PKP2: variants seen among roughly 807,000 people sequenced by gnomAD.
PKP2 encodes the protein plakophilin-2.
Under a neutral mutation model 83.4 loss-of-function variants are expected in PKP2, and 73 were observed. The ratio of observed to expected loss-of-function variants is 0.88; its 90% confidence interval spans 0.72 to 1.06. PKP2 has a LOEUF of 1.06. PKP2 is among the 50% of genes least tolerant of loss of function. The pLI, the probability that PKP2 is intolerant of heterozygous loss-of-function variation, is 0.00. For missense variants in PKP2, 966 were observed against 1,065.4 expected, an observed-to-expected ratio of 0.91 and a Z score of 1.30; for synonymous variants, 409 against 430.4, an observed-to-expected ratio of 0.95 and a Z score of 0.62.
intron 4 of PKP2, among the ~76,000 whole-genome samples, chr12:32,854,046 CA>C (rs953217119): frequency 6.6e-6 from 1 of 151,622 alleles, no homozygotes; most frequent in East Asian, 1.9e-4. Context: ...ATATCAGATG[CA>C]AAAAAAATCC....
At chr12:32,860,920 T>C (rs763880572) in intron 4 of PKP2, among the ~76,000 whole-genome samples, 5 of 151,860 alleles carry the variant, frequency 3.3e-5, no homozygotes, top group Non-Finnish European at 7.4e-5. Flanking sequence ...CCCAGCTACT[T>C]GGGAGGCTGA....
chr12:32,822,179 G>C (rs551628973), intron 8 of PKP2, among the ~76,000 whole-genome samples: 1 of 152,238 alleles, frequency 6.6e-6, no homozygotes, highest in South Asian at 2.1e-4. Context: ...AAAGCAGTAC[G>C]GTTCATGGGT....
At position 32,896,503 on chromosome 12, in the gene PKP2, A is replaced by C. The variant is rs755600420; in HGVS notation, c.223+6T>G. On this transcript the variant is annotated splice_donor_region_variant and intron_variant, in intron 1 of 12. Coordinates refer to ENST00000340811, the MANE Select transcript of PKP2 (RefSeq NM_001005242.3). ...GCGGCGCCGGGGAGCGGCGGGCTCC[A>C]CTCACCGTTGCCCACGGAGCTGCGG... 8 of 1,500,938 alleles carry C rather than the reference A, an allele frequency of 5.3e-6. No homozygotes were observed. Among genetic ancestry groups the C allele is most frequent in the Non-Finnish European group, 6.2e-6 (7 of 1,126,402 alleles). The allele number at this position is 1,500,938 out of a possible 1,614,324, so 93.0% of individuals were successfully genotyped here.
intron 9 of PKP2, among the ~76,000 whole-genome samples, chr12:32,812,487 CTAAT>C (rs1956285994): frequency 1.3e-5 from 2 of 152,036 alleles, no homozygotes; most frequent in Non-Finnish European, 2.9e-5. Flanking sequence ...TTTACACACA[CTAAT>C]TAATTTACTC....
intron 1 of PKP2, among the ~76,000 whole-genome samples, chr12:32,890,074 C>CAAAAAAAAAAA (rs55957473): frequency 1.6e-5 from 1 of 64,004 alleles, no homozygotes; most frequent in African/African-American, 7.1e-5. Context: ...GACTCCATCT[C>CAAAAAAAAAAA]AAAAAAAAAA....
At chr12:32,862,424 A>T (rs1336899281) in intron 4 of PKP2, among the ~76,000 whole-genome samples, 1 of 150,832 alleles carries the variant, frequency 6.6e-6, no homozygotes, top group Non-Finnish European at 1.5e-5. Context: ...AGGCAGGTGG[A>T]TCACCTGAAG....
intron 1 of PKP2, among the ~76,000 whole-genome samples, chr12:32,890,403 G>A (rs1460181337): frequency 6.6e-6 from 1 of 152,108 alleles, no homozygotes; most frequent in Admixed American, 6.6e-5. Flanking sequence ...GGAAATCAAG[G>A]AATTGCAGAA....
intron 3 of PKP2, among the ~76,000 whole-genome samples, chr12:32,871,463 T>A (rs1956896228): frequency 6.9e-6 from 1 of 145,428 alleles, no homozygotes. Flanking sequence ...ACCCGGCTAA[T>A]TTTTTTTTTT....
chr12:32,802,179 A>AG (rs1956186527), intron 10 of PKP2, among the ~76,000 whole-genome samples: 7 of 37,594 alleles, frequency 1.9e-4, no homozygotes, highest in Admixed American at 1.0e-3. Flanking sequence ...CTTTTGTAGT[A>AG]ATTTTTTTTT....
intron 6 of PKP2, among the ~76,000 whole-genome samples, chr12:32,827,399 G>A (rs981335876): frequency 6.6e-6 from 1 of 152,176 alleles, no homozygotes; most frequent in Non-Finnish European, 1.5e-5. Flanking sequence ...AATGATAAGG[G>A]TAGATTATTT....
intron 9 of PKP2, 80 bp from the exon 10 acceptor site, chr12:32,802,636 G>T: frequency 8.4e-7 from 1 of 1,186,558 alleles, no homozygotes; most frequent in Non-Finnish European, 1.2e-6. Context: ...ATTACCAGAG[G>T]TTGATGAAGA....
intron 8 of PKP2, 42 bp downstream of exon 8, chr12:32,822,425 A>G (rs1191697207): frequency 1.9e-6 from 3 of 1,544,018 alleles, no homozygotes; most frequent in Non-Finnish European, 2.7e-6. Context: ...ACTCTCTCTC[A>G]TTCTCTCCCT....
At chr12:32,806,376 T>C (rs1014625760) in intron 9 of PKP2, among the ~76,000 whole-genome samples, 47 of 152,220 alleles carry the variant, frequency 3.1e-4, no homozygotes, top group Non-Finnish European at 3.4e-4. Context: ...TATTTACTAC[T>C]ACCTCAATTT....
intron 1 of PKP2, among the ~76,000 whole-genome samples, chr12:32,896,301 T>C (rs941199819): frequency 6.6e-6 from 1 of 152,204 alleles, no homozygotes; most frequent in Non-Finnish European, 1.5e-5. Flanking sequence ...ATATTTAATA[T>C]ACATAGGTAC....
At chr12:32,824,409 A>T in intron 6 of PKP2, 1 of 491,090 alleles carries the variant, frequency 2.0e-6, no homozygotes, top group South Asian at 2.1e-5. Context: ...AAGTACCATG[A>T]TCAAAACATT....
chr12:32,862,961 T>C (rs1017188647), intron 4 of PKP2, among the ~76,000 whole-genome samples: 2 of 152,202 alleles, frequency 1.3e-5, no homozygotes, highest in Admixed American at 6.5e-5. Flanking sequence ...ATCGCGCCAC[T>C]GCATTCCAGC....
At chr12:32,873,891 A>C (rs1030678901) in intron 3 of PKP2, among the ~76,000 whole-genome samples, 2 of 152,198 alleles carry the variant, frequency 1.3e-5, no homozygotes, top group Non-Finnish European at 2.9e-5. Flanking sequence ...ACTCATTTGC[A>C]GAACCATCAG....
Position 32,803,278 on chromosome 12 carries a change from C to G in PKP2, c.2014-722G>C, listed in dbSNP as rs955128619. 3.3e-5 allele frequency among the ~76,000 whole-genome samples: 5 copies of G among 152,082 alleles called. No homozygotes were observed. In the South Asian group the frequency reaches 6.2e-4, roughly 19 times the overall value. Reference sequence around the variant, plus strand: ...GTCCCAGCTACTCAAGAGGCTGGGGCAGGAGAATCGCTTGAACCTGGGAGA... The same window carrying G: ...GTCCCAGCTACTCAAGAGGCTGGGGGAGGAGAATCGCTTGAACCTGGGAGA... On this transcript the variant is annotated intron_variant, in intron 9 of 12. Transcript: ENST00000340811.
intron 4 of PKP2, among the ~76,000 whole-genome samples, chr12:32,865,681 CA>C (rs765071380): frequency 3.5e-4 from 36 of 103,576 alleles, no homozygotes; most frequent in South Asian, 1.3e-3. Flanking sequence ...GACTCCGTCT[CA>C]AAAAAAAAAA....
Sources: gnomAD v4.1 joint callset for allele counts (sites outside exome capture counted in the v4.1 genomes callset) on GRCh38, gnomAD v4.1.1 for gene constraint, MANE v1.5 for transcripts, NCBI Gene and HGNC (gene_info 2026-07-23, HGNC 2026-07-21) for gene names.